SMIM10L3: variants seen among roughly 807,000 people sequenced by gnomAD.
The protein encoded by SMIM10L3 is salivary gland specific protein SAGSIN1.
At chr7:6,332,176 T>A in the SMIM10L3 span, among the ~76,000 whole-genome samples, 3 of 151,798 alleles carry the variant, frequency 2.0e-5, no homozygotes, top group Non-Finnish European at 4.4e-5. Context: ...TGACTGGGCA[T>A]GCTACCTAGT....
At chr7:6,331,766 G>A in the SMIM10L3 span, among the ~76,000 whole-genome samples, 3 of 137,792 alleles carry the variant, frequency 2.2e-5, no homozygotes, top group South Asian at 6.8e-4. Context: ...TTGAGATGGC[G>A]TTTCGCTCTT....
the SMIM10L3 span, among the ~76,000 whole-genome samples, chr7:6,342,182 CCTTTCTTTTTT>C: frequency 1.3e-5 from 2 of 152,070 alleles, no homozygotes; most frequent in Non-Finnish European, 2.9e-5. Context: ...CATTTTCTTT[CCTTTCTTTTTT>C]CTTTCTTTTT....
chr7:6,348,576 C>T, the SMIM10L3 span: 1 of 434,042 alleles, frequency 2.3e-6, no homozygotes, highest in Admixed American at 4.0e-5. Flanking sequence ...CACCCACCTG[C>T]AGGCGGACGT....
chr7:6,336,154 C>G, the SMIM10L3 span, among the ~76,000 whole-genome samples: 25 of 138,940 alleles, frequency 1.8e-4, no homozygotes, highest in Non-Finnish European at 1.7e-4. Context: ...GCCTGGGCAA[C>G]AGAGTGAGAT....
the SMIM10L3 span, among the ~76,000 whole-genome samples, chr7:6,336,936 G>A: frequency 1.3e-5 from 2 of 152,102 alleles, no homozygotes; most frequent in South Asian, 4.1e-4. Flanking sequence ...TTACAGGCGT[G>A]AGCCACCATG....
the SMIM10L3 span, among the ~76,000 whole-genome samples, chr7:6,336,662 AGAGC>A: frequency 1.3e-5 from 2 of 149,908 alleles, no homozygotes; most frequent in Non-Finnish European, 3.0e-5. Context: ...CCAGCCTGAG[AGAGC>A]GAGCAAGACT....
At chr7:6,330,206 C>T in the SMIM10L3 span, 4 of 674,988 alleles carry the variant, frequency 5.9e-6, no homozygotes, top group South Asian at 2.1e-5. Flanking sequence ...AAGTTCCTTC[C>T]GCATCAACTG....
the SMIM10L3 span, among the ~76,000 whole-genome samples, chr7:6,332,770 G>A: frequency 3.9e-5 from 6 of 152,184 alleles, no homozygotes; most frequent in Admixed American, 3.9e-4. Context: ...TGGCTGACGG[G>A]GATGGAGAAA....
the SMIM10L3 span, among the ~76,000 whole-genome samples, chr7:6,339,170 C>T: frequency 6.6e-6 from 1 of 152,166 alleles, no homozygotes; most frequent in African/African-American, 2.4e-5. Context: ...CTTGGCACGT[C>T]TAAATCACAC....
the SMIM10L3 span, chr7:6,330,499 A>G: frequency 3.7e-6 from 6 of 1,614,192 alleles, no homozygotes; most frequent in East Asian, 2.2e-5. Context: ...CTTTGAAAAC[A>G]TGGGCTTTAA....
At chr7:6,330,512 G>C in the SMIM10L3 span, 22 of 1,613,986 alleles carry the variant, frequency 1.4e-5, 1 homozygote, top group African/African-American at 2.1e-4. Context: ...GGCTTTAAAC[G>C]GTCAAGGAAA....
At chr7:6,330,855 C>T in the SMIM10L3 span, 19 of 1,614,072 alleles carry the variant, frequency 1.2e-5, no homozygotes, top group African/African-American at 2.7e-5. Flanking sequence ...CGGCTGTGCT[C>T]GGAGTGGCTG....
chr7:6,337,747 A>G, the SMIM10L3 span, among the ~76,000 whole-genome samples: 9 of 151,738 alleles, frequency 5.9e-5, no homozygotes, highest in Admixed American at 1.3e-4. Context: ...GTACTTTAGT[A>G]TTCAGTAATA....
At chr7:6,330,416 G>C in the SMIM10L3 span, 4 of 1,613,954 alleles carry the variant, frequency 2.5e-6, no homozygotes, top group South Asian at 2.2e-5. Context: ...AAAGGTTGCA[G>C]AGCCAGTAAC....
At chr7:6,333,237 T>C in the SMIM10L3 span, among the ~76,000 whole-genome samples, 1 of 149,896 alleles carries the variant, frequency 6.7e-6, no homozygotes, top group South Asian at 2.1e-4. Flanking sequence ...TATTAGAGGC[T>C]GAAGGAGAAA....
chr7:6,344,598 T>G, the SMIM10L3 span, among the ~76,000 whole-genome samples: 2 of 151,880 alleles, frequency 1.3e-5, no homozygotes, highest in East Asian at 3.9e-4. Flanking sequence ...TTTGTATTTT[T>G]TGTAGAGACG....
At chr7:6,330,314 G>T in the SMIM10L3 span, 17 of 1,492,240 alleles carry the variant, frequency 1.1e-5, no homozygotes, top group Non-Finnish European at 1.5e-5. Flanking sequence ...GACTTAATGC[G>T]AAAGAAATCA....
At chr7:6,335,970 C>T in the SMIM10L3 span, among the ~76,000 whole-genome samples, 70 of 151,992 alleles carry the variant, frequency 4.6e-4, no homozygotes, top group African/African-American at 1.4e-3. Flanking sequence ...GACAGGAGTT[C>T]GAGATCAGCC....
At chr7:6,331,170 A>T in the SMIM10L3 span, 2 of 1,603,962 alleles carry the variant, frequency 1.2e-6, no homozygotes, top group Non-Finnish European at 1.7e-6. Context: ...GTGTTCTTGG[A>T]TGCGGTGGGC....
Sources: allele counts gnomAD v4.1 joint callset (sites outside exome capture counted in the v4.1 genomes callset), GRCh38; gene constraint gnomAD v4.1.1; transcripts MANE v1.5; gene names NCBI Gene and HGNC (gene_info 2026-07-23, HGNC 2026-07-21).